Variants in APOO observed in about 807,000 individuals in gnomAD.
The protein encoded by APOO is MICOS complex subunit MIC26.
Under a neutral mutation model 23.1 loss-of-function variants are expected in APOO, and 11 were observed. That is an observed-to-expected ratio of 0.48 (90% CI 0.30 to 0.79). APOO has a LOEUF of 0.79. Among genes scored for constraint, APOO ranks in the 30% least tolerant of loss-of-function variants. APOO has a pLI of 0.07. For missense variants in APOO, 160 were observed against 142.7 expected (o/e 1.12, Z -0.62); for synonymous variants, 59 against 54.8 (o/e 1.08, Z -0.34).
chrX:23,838,310 T>C (rs1390225798), intron 8 of APOO, among the ~76,000 whole-genome samples: 14 of 80,870 alleles, frequency 1.7e-4, no homozygotes, highest in Non-Finnish European at 2.6e-4. Flanking sequence ...GTGAGCAAGA[T>C]TGCTCCACTG....
Position 23,875,396 on chromosome X carries a change from TTTTTTA to T in APOO, c.238-945_238-940del, listed in dbSNP as rs1469389170. 9.9e-4 allele frequency among the ~76,000 whole-genome samples: 105 copies of T among 106,399 alleles called. 1 individual carries two copies. Among genetic ancestry groups the T allele is most frequent in the African/African-American group, 3.1e-3 (91 of 29,681 alleles). 92.4% of individuals were successfully genotyped at this position (106,399 alleles called of 115,157 possible). A position where few individuals can be genotyped will look rare whatever the true frequency, so the allele number is the denominator to read the frequency against. ...TAGTTGCCATTTGGGAAAGGATTTT[TTTTTTA>T]TTTTTATTTTTATTAATTAATTTTT... On this transcript the variant is annotated intron_variant, in intron 3 of 8. Coordinates refer to ENST00000379226, the MANE Select transcript of APOO (RefSeq NM_024122.5).
chrX:23,893,489 G>A lies in APOO; in HGVS notation c.10-12537C>T, dbSNP rs148185256. 9.3e-3 allele frequency among the ~76,000 whole-genome samples: 1,037 copies of A among 111,080 alleles called. 22 individuals carry two copies. The highest frequency in any genetic ancestry group is 0.031 in the African/African-American group (938 of 30,692). ...GAAATGAGTCCACAATTCTTGAAAC[G>A]TCAAAAGAATACAGAATACTCTCCT... On this transcript the variant is annotated intron_variant, in intron 1 of 8. Coordinates refer to ENST00000379226, the MANE Select transcript of APOO (RefSeq NM_024122.5).
At chrX:23,862,602 C>G (rs749764778) in intron 5 of APOO, among the ~76,000 whole-genome samples, 26 of 103,741 alleles carry the variant, frequency 2.5e-4, no homozygotes, top group South Asian at 1.3e-3. Context: ...ATGGTGACAC[C>G]CGGTCTCCAC....
Position 23,888,828 on chromosome X carries a change from C to A in APOO, c.10-7876G>T, listed in dbSNP as rs149206733. 3.2e-3 allele frequency among the ~76,000 whole-genome samples: 231 copies of A among 72,090 alleles called. 1 individual carries two copies. The highest frequency in any genetic ancestry group is 0.011 in the African/African-American group (203 of 17,728). 62.6% of individuals were successfully genotyped at this position (72,090 alleles called of 115,157 possible). On this transcript the variant is annotated intron_variant, in intron 1 of 8. Transcript: ENST00000379226. ...TTATACCTCTGCACTCCAGCTTGGG[C>A]AACAGAGTGAGATTTCATCTCAAAA...
intron 1 of APOO, among the ~76,000 whole-genome samples, chrX:23,883,059 A>G (rs2147025448): frequency 9.0e-6 from 1 of 111,260 alleles, no homozygotes; most frequent in Admixed American, 9.6e-5. Context: ...AGCCTGGGCA[A>G]CAGAGCGAGA....
intron 1 of APOO, among the ~76,000 whole-genome samples, chrX:23,906,096 T>TG (rs1927343049): frequency 8.9e-6 from 1 of 112,698 alleles, no homozygotes; most frequent in South Asian, 3.6e-4. Flanking sequence ...GTTTGTGCCT[T>TG]GGGACTTGCC....
rs755101952 is a variant in APOO at position 23,835,306 on chromosome X, A to T, written c.*30-1694T>A. ...TCGAACTCCTGACCTGAGGTGATTC[A>T]CCCGCCTCAGCCTCCCAAAGTGCTG... On this transcript the variant is annotated intron_variant, in intron 8 of 8. Coordinates refer to ENST00000379226, the MANE Select transcript of APOO (RefSeq NM_024122.5). Among the ~76,000 whole-genome samples, 30 of 106,071 alleles carry T rather than the reference A, an allele frequency of 2.8e-4. No homozygotes were observed. In the East Asian group the frequency reaches 3.1e-3, roughly 11 times the overall value. 92.1% of individuals were successfully genotyped at this position (106,071 alleles called of 115,157 possible). A position where few individuals can be genotyped will look rare whatever the true frequency, so the allele number is the denominator to read the frequency against.
At chrX:23,900,225 G>C (rs1833425398) in intron 1 of APOO, among the ~76,000 whole-genome samples, 1 of 112,303 alleles carries the variant, frequency 8.9e-6, no homozygotes, top group African/African-American at 3.2e-5. Context: ...TGTGATACAA[G>C]AGGAACAGAA....
chrX:23,882,211 GT>G, intron 1 of APOO, among the ~76,000 whole-genome samples: 1 of 111,942 alleles, frequency 8.9e-6, no homozygotes, highest in African/African-American at 3.2e-5. Flanking sequence ...TGTATCAATT[GT>G]TTTTAAACCA....
In APOO at chrX:23,886,988, C is replaced by T. The variant is rs745651331; in HGVS notation, c.10-6036G>A. Reference sequence around the variant, plus strand: ...TGAACCTTCTTCAATCTTTTGTCTCCCCAAGGAAGAACAATCCAGTTCTTT... The same window carrying T: ...TGAACCTTCTTCAATCTTTTGTCTCTCCAAGGAAGAACAATCCAGTTCTTT... On this transcript the variant is annotated intron_variant, in intron 1 of 8. Coordinates refer to ENST00000379226, the MANE Select transcript of APOO (RefSeq NM_024122.5). Among the ~76,000 whole-genome samples, 6 of 110,650 alleles carry T rather than the reference C, an allele frequency of 5.4e-5. No individual in the cohort carries two copies. In the South Asian group the frequency reaches 2.3e-3, roughly 42 times the overall value.
chrX:23,852,384 G>A (rs1490664762), intron 7 of APOO, among the ~76,000 whole-genome samples: 1 of 110,328 alleles, frequency 9.1e-6, no homozygotes, highest in East Asian at 2.9e-4. Flanking sequence ...AGATCACGAG[G>A]TCAGGAGATC....
chrX:23,853,865 C>A (rs1162534009), intron 7 of APOO, among the ~76,000 whole-genome samples: 3 of 109,847 alleles, frequency 2.7e-5, no homozygotes, highest in Non-Finnish European at 3.8e-5. Flanking sequence ...AACACCTAGG[C>A]TCAAAGCGAT....
intron 4 of APOO, among the ~76,000 whole-genome samples, chrX:23,873,710 T>C (rs987354351): frequency 1.8e-5 from 2 of 111,720 alleles, no homozygotes; most frequent in African/African-American, 3.3e-5. Flanking sequence ...CAATACACCA[T>C]GGTGATCTTA....
intron 4 of APOO, among the ~76,000 whole-genome samples, chrX:23,870,615 G>A (rs1387359855): frequency 1.9e-5 from 2 of 105,857 alleles, no homozygotes; most frequent in African/African-American, 3.5e-5. Context: ...GCGAAACCCT[G>A]TCTCTACAAA....
chrX:23,863,426 G>GA (rs907561471), intron 5 of APOO, among the ~76,000 whole-genome samples: 27 of 108,159 alleles, frequency 2.5e-4, no homozygotes, highest in Admixed American at 2.1e-3. Context: ...CTTCCAGGAA[G>GA]AAAAAAAAAA....
intron 5 of APOO, among the ~76,000 whole-genome samples, chrX:23,867,003 G>A (rs1222071848): frequency 9.1e-6 from 1 of 109,908 alleles, no homozygotes; most frequent in East Asian, 2.9e-4. Flanking sequence ...GGGAGGCTGA[G>A]GCAGGAGAAT....
intron 3 of APOO, among the ~76,000 whole-genome samples, chrX:23,877,718 G>A (rs1472457528): frequency 9.3e-6 from 1 of 107,219 alleles, no homozygotes; most frequent in Non-Finnish European, 1.9e-5. Context: ...AGGTTGCAGT[G>A]AGCTGAGAGC....
At chrX:23,856,015 CT>C (rs1212919601) in intron 7 of APOO, among the ~76,000 whole-genome samples, 3 of 111,909 alleles carry the variant, frequency 2.7e-5, no homozygotes, top group Non-Finnish European at 5.6e-5. Context: ...ATACGCTACA[CT>C]TAGAGGAAAC....
intron 1 of APOO, among the ~76,000 whole-genome samples, chrX:23,891,231 T>C (rs1225216609): frequency 9.3e-6 from 1 of 107,804 alleles, no homozygotes; most frequent in African/African-American, 3.4e-5. Context: ...TAATTCTTTC[T>C]TTTTTTTTTC....
Sources: gnomAD v4.1 joint callset for allele counts (sites outside exome capture counted in the v4.1 genomes callset) on GRCh38, gnomAD v4.1.1 for gene constraint, MANE v1.5 for transcripts, NCBI Gene and HGNC (gene_info 2026-07-23, HGNC 2026-07-21) for gene names.